Variants in ZNF131 observed in about 807,000 individuals in gnomAD.
ZNF131 encodes the protein zinc finger protein 131.
ZNF131 carries 7 observed loss-of-function variants against 60.0 expected under a neutral mutation model. The ratio of observed to expected loss-of-function variants is 0.12; its 90% CI spans 0.07 to 0.22. ZNF131 has a LOEUF of 0.22. ZNF131 is among the 10% of genes least tolerant of loss of function. The pLI is 1.00. For synonymous variants in ZNF131, 257 were observed against 253.2 expected, an observed-to-expected ratio of 1.01 and a Z score of -0.14; for missense variants, 493 against 740.9, an observed-to-expected ratio of 0.67 and a Z score of 3.88.
chr5:43,148,825 A>G (rs1747941049), intron 4 of ZNF131, among the ~76,000 whole-genome samples: 1 of 152,194 alleles, frequency 6.6e-6, no homozygotes, highest in South Asian at 2.1e-4. Context: ...TATTCTTGTG[A>G]AGTCATTATC....
intron 5 of ZNF131, among the ~76,000 whole-genome samples, chr5:43,162,841 G>T (rs1288132298): frequency 6.9e-6 from 1 of 144,828 alleles, no homozygotes; most frequent in Non-Finnish European, 1.5e-5. Context: ...GGAGGCAGAG[G>T]TTGCCATGAG....
chr5:43,169,871 A>G (rs1750771095), intron 5 of ZNF131, among the ~76,000 whole-genome samples: 1 of 151,406 alleles, frequency 6.6e-6, no homozygotes, highest in Admixed American at 6.6e-5. Context: ...GCTCACTGCA[A>G]CCTCCGTCTT....
intron 5 of ZNF131, among the ~76,000 whole-genome samples, chr5:43,163,625 C>T (rs1283169636): frequency 6.6e-6 from 1 of 152,212 alleles, no homozygotes; most frequent in African/African-American, 2.4e-5. Flanking sequence ...TAGCTACCAC[C>T]AACGAATTGA....
chr5:43,175,350 G>GA lies in ZNF131; in HGVS notation c.*219dup. On this transcript the variant is annotated 3_prime_UTR_variant, in exon 7 of 7. Transcript: ENST00000682664. ...TTCCATAACTGAAGGGGAGTTTTGA[G>GA]AAGTATATTTCTGGAAACTTAAATG... 1.5e-6 allele frequency: 1 copy of GA among 677,882 alleles called. No individual in the cohort carries two copies. Among genetic ancestry groups the GA allele is most frequent in the East Asian group, 2.7e-5 (1 of 37,090 alleles). The allele number at this position is 677,882 out of a possible 1,614,324, so 42.0% of individuals were successfully genotyped here.
chr5:43,126,718 C>T (rs1180478772), intron 3 of ZNF131, among the ~76,000 whole-genome samples: 2 of 152,180 alleles, frequency 1.3e-5, no homozygotes, highest in Non-Finnish European at 2.9e-5. Context: ...CGATCATCGT[C>T]TTTTTCCTAG....
rs1324219145 is a variant in ZNF131 at position 43,161,298 on chromosome 5, G to C, written c.421G>C (p.Glu141Gln). The change falls in exon 5 of 7, where the codon GAG (glutamate) becomes CAG (glutamine). Residue 141 changes from glutamate (E) to glutamine (Q), a missense_variant. Physicochemically the swap from Glu to Gln is conservative, Grantham distance 29 (BLOSUM62 2). Around this residue, in one of 7 missense-constraint regions of ZNF131, gnomAD observed 138 missense variants for 158.7 expected, o/e 0.87. Coordinates refer to ENST00000682664, the MANE Select transcript of ZNF131 (RefSeq NM_001330707.2). ...AGAGGAAAATACCACAGGAAAAAAT[G>C]AGGCCAAAAAAAGGAAGATTGCAGA... Reference protein sequence around the residue: ...PLEENTTGKNEAKKRKIAETS... With the variant: ...PLEENTTGKNQAKKRKIAETS... 2 of 1,613,296 alleles carry C rather than the reference G, an allele frequency of 1.2e-6. No homozygotes were observed. The highest frequency in any genetic ancestry group is 4.5e-5 in the East Asian group (2 of 44,852).
intron 4 of ZNF131, among the ~76,000 whole-genome samples, chr5:43,156,282 G>A (rs1748955663): frequency 6.6e-6 from 1 of 152,166 alleles, no homozygotes; most frequent in South Asian, 2.1e-4. Flanking sequence ...GGTGAGTTTG[G>A]CACCTTAATC....
chr5:43,134,693 CTTTT>C (rs149464238), intron 3 of ZNF131, among the ~76,000 whole-genome samples: 1,232 of 88,444 alleles, frequency 0.014, 7 homozygotes, highest in Non-Finnish European at 0.018. Flanking sequence ...TTCTTTTTTT[CTTTT>C]TTTTTTTTTT....
At chr5:43,122,607 C>G (rs1744010400) in intron 2 of ZNF131, among the ~76,000 whole-genome samples, 1 of 152,122 alleles carries the variant, frequency 6.6e-6, no homozygotes. Flanking sequence ...TTGCAGCACT[C>G]ATACCCCCTT....
At chr5:43,153,350 C>T (rs966228939) in intron 4 of ZNF131, among the ~76,000 whole-genome samples, 4 of 148,860 alleles carry the variant, frequency 2.7e-5, no homozygotes, top group Admixed American at 1.4e-4. Flanking sequence ...GCGGGCCAGG[C>T]GCGGTGGTTA....
chr5:43,143,532 G>T (rs374979554), intron 4 of ZNF131: 26 of 593,454 alleles, frequency 4.4e-5, no homozygotes, highest in Middle Eastern at 5.7e-4. Flanking sequence ...GTTTCTTATT[G>T]TTGTTACTGG....
chr5:43,175,129 A>C lies in ZNF131; in HGVS notation c.1868A>C (p.Glu623Ala). The change falls in exon 7 of 7, where the codon GAA (glutamate) becomes GCA (alanine). Residue 623 changes from glutamate (E) to alanine (A), a missense_variant. Glu to Ala is a moderately radical substitution (Grantham distance 107). This residue lies in a region of ZNF131 where 202 missense variants were observed against 221.3 expected (regional missense o/e 0.91). Transcript: ENST00000682664. The part of the protein sequence containing the change: ...NEDRTALPVL[E>A] The stretch of plus-strand genomic sequence containing the variant: ...GACAGAACAGCTCTGCCAGTTTTAG[A>C]ATGAAATTACACATGAATATATTTT... 6.2e-7 allele frequency: 1 copy of C among 1,603,294 alleles called. No homozygotes were observed. Among genetic ancestry groups the C allele is most frequent in the East Asian group, 2.2e-5 (1 of 44,756 alleles).
chr5:43,158,790 T>C (rs371521843), intron 4 of ZNF131, among the ~76,000 whole-genome samples: 4 of 152,170 alleles, frequency 2.6e-5, no homozygotes, highest in South Asian at 4.1e-4. Context: ...TCCTGTGGAC[T>C]TCCCTCAAAT....
At chr5:43,165,147 C>T (rs1026771104) in intron 5 of ZNF131, among the ~76,000 whole-genome samples, 1 of 151,554 alleles carries the variant, frequency 6.6e-6, no homozygotes, top group African/African-American at 2.4e-5. Context: ...GATGTGGTTT[C>T]ACCACGTTGC....
chr5:43,122,232 C>A (rs953053468), intron 2 of ZNF131, 55 bp downstream of exon 2: 2 of 1,523,752 alleles, frequency 1.3e-6, no homozygotes, highest in African/African-American at 2.9e-5. Flanking sequence ...TTTTTCTGTC[C>A]TTCGGACACC....
chr5:43,159,357 A>T (rs1359611453), intron 4 of ZNF131, among the ~76,000 whole-genome samples: 1 of 152,094 alleles, frequency 6.6e-6, no homozygotes, highest in Non-Finnish European at 1.5e-5. Flanking sequence ...GTCGTCTTTT[A>T]CTGAGTTTAC....
chr5:43,143,456 A>G, intron 4 of ZNF131: 3 of 1,371,620 alleles, frequency 2.2e-6, no homozygotes, highest in Non-Finnish European at 2.9e-6. Context: ...ATCTTCAACT[A>G]CACGCTGTAT....
chr5:43,152,072 C>T (rs1025808798), intron 4 of ZNF131, among the ~76,000 whole-genome samples: 2 of 152,070 alleles, frequency 1.3e-5, no homozygotes, highest in African/African-American at 4.8e-5. Context: ...GTGACATGAT[C>T]TTGGCTCACT....
chr5:43,123,202 T>G lies in ZNF131; in HGVS notation c.125-7T>G. ...ATGATTTTCTTTTTTTTTCTTATTTTACCTAGGACACCATTTTAAGGCTCA... is the reference window on the plus strand; with the variant it reads ...ATGATTTTCTTTTTTTTTCTTATTTGACCTAGGACACCATTTTAAGGCTCA... On this transcript the variant is annotated splice_region_variant and splice_polypyrimidine_tract_variant and intron_variant, in intron 2 of 6. Coordinates refer to ENST00000682664, the MANE Select transcript of ZNF131 (RefSeq NM_001330707.2). 1.3e-6 allele frequency: 2 copies of G among 1,577,892 alleles called. No homozygotes were observed. The highest frequency in any genetic ancestry group is 1.7e-6 in the Non-Finnish European group (2 of 1,169,182).
Sources: gnomAD v4.1 joint callset for allele counts (sites outside exome capture counted in the v4.1 genomes callset) on GRCh38, gnomAD v4.1.1 for gene constraint, gnomAD v4.1.1 regional missense constraint, MANE v1.5 for transcripts, NCBI Gene and HGNC (gene_info 2026-07-23, HGNC 2026-07-21) for gene names.